CNTNAP3B: variants seen among roughly 807,000 people sequenced by gnomAD.
CNTNAP3B encodes the protein contactin-associated protein-like 3B.
CNTNAP3B carries 25 observed loss-of-function variants against 108.9 expected under a neutral mutation model. The ratio of observed to expected loss-of-function variants is 0.23; its 90% CI spans 0.17 to 0.32. The LOEUF is 0.32. Ranked by LOEUF, CNTNAP3B falls within the 10% of genes least tolerant of loss-of-function variation. CNTNAP3B has a pLI of 1.00. For missense variants in CNTNAP3B, 252 were observed against 1,210.4 expected (o/e 0.21, Z 11.75); for synonymous variants, 103 against 473.4 (o/e 0.22, Z 10.16).
Position 42,053,841 on chromosome 9 carries a change from G to A in CNTNAP3B, c.390+23028C>T, listed in dbSNP as rs574285287. 2.1e-5 allele frequency among the ~76,000 whole-genome samples: 3 copies of A among 144,520 alleles called. No individual in the cohort carries two copies. The South Asian group carries it at 6.6e-4, about 32-fold the overall frequency. 94.8% of individuals were successfully genotyped at this position (144,520 alleles called of 152,430 possible). The stretch of plus-strand genomic sequence containing the variant: ...GCAGACAGAGCAGGCTGCTCCAACA[G>A]CAAAGCCATATATTTTGAGACAGCG... On this transcript the variant is annotated intron_variant, in intron 3 of 23. Coordinates refer to ENST00000377561, the MANE Select transcript of CNTNAP3B (RefSeq NM_001201380.3).
At position 41,961,357 on chromosome 9, in the gene CNTNAP3B, C is replaced by T. The variant is rs1438111778; in HGVS notation, c.1757-465G>A. ...GCAAACTCTGAAGCACAGTGTAAAA[C>T]ACTTGAAGAGATACGAGAGGAAAAC... is the stretch of plus-strand genomic sequence containing the variant. On this transcript the variant is annotated intron_variant, in intron 11 of 23. Transcript: ENST00000377561. Among the ~76,000 whole-genome samples the T allele has an allele frequency of 2.6e-5, 4 of 152,308 alleles. No homozygotes were observed. In the South Asian group the frequency reaches 6.2e-4, roughly 24 times the overall value.
intron 3 of CNTNAP3B, among the ~76,000 whole-genome samples, chr9:42,070,836 C>G (rs1242219363): frequency 1.3e-5 from 2 of 151,976 alleles, no homozygotes; most frequent in Non-Finnish European, 1.5e-5. Flanking sequence ...CAAATACACA[C>G]AGGCCATGGG....
intron 13 of CNTNAP3B, among the ~76,000 whole-genome samples, chr9:41,947,731 G>C (rs1326502640): frequency 1.3e-5 from 2 of 152,096 alleles, no homozygotes; most frequent in Non-Finnish European, 2.9e-5. Context: ...AGAAAATCAA[G>C]AAACGAAAAT....
At chr9:41,944,143 G>T (rs1190354775) in intron 13 of CNTNAP3B, among the ~76,000 whole-genome samples, 2 of 149,196 alleles carry the variant, frequency 1.3e-5, no homozygotes, top group East Asian at 3.9e-4. Flanking sequence ...AAACAGAATT[G>T]AGGAAATCTT....
intron 13 of CNTNAP3B, among the ~76,000 whole-genome samples, chr9:41,947,385 T>A (rs1459580888): frequency 0.01 from 1,537 of 151,770 alleles, no homozygotes; most frequent in South Asian, 0.037. Flanking sequence ...TCTAAACACT[T>A]AGAAATTTTT....
At chr9:41,969,107 T>A (rs1825368074) in intron 10 of CNTNAP3B, among the ~76,000 whole-genome samples, 1 of 152,294 alleles carries the variant, frequency 6.6e-6, no homozygotes, top group African/African-American at 2.4e-5. Flanking sequence ...GATTATCACT[T>A]TTCAATTTTT....
Position 42,125,642 on chromosome 9 carries a change from A to G in CNTNAP3B, c.85+3368T>C, listed in dbSNP as rs1229314608. ...GTATAGAGTTTGGTGAAAATGAATA[A>G]AGGCATGTGAACTACATTTTTTGTT... On this transcript the variant is annotated intron_variant, in intron 1 of 23. Transcript: ENST00000377561. 1.5e-5 allele frequency among the ~76,000 whole-genome samples: 2 copies of G among 136,772 alleles called. 1 individual carries two copies. Among genetic ancestry groups the G allele is most frequent in the Non-Finnish European group, 3.1e-5 (2 of 64,284 alleles). The allele number at this position is 136,772 out of a possible 152,430, so 89.7% of individuals were successfully genotyped here.
chr9:41,916,446 G>T (rs1358792645), intron 18 of CNTNAP3B, among the ~76,000 whole-genome samples: 2 of 151,512 alleles, frequency 1.3e-5, no homozygotes, highest in African/African-American at 4.9e-5. Context: ...TGTAGATTCA[G>T]ATTATTGTCT....
rs563880564 is a variant in CNTNAP3B, at chr9:41,963,099, C to T, written c.1756+1439G>A. ...TCTCCTCTTTTGCCCAGATCCTTTACAGAACCTCAGGACTGGGAGCGCAGA... is the reference window on the plus strand; with the variant it reads ...TCTCCTCTTTTGCCCAGATCCTTTATAGAACCTCAGGACTGGGAGCGCAGA... On this transcript the variant is annotated intron_variant, in intron 11 of 23. Transcript: ENST00000377561. Among the ~76,000 whole-genome samples the T allele has an allele frequency of 5.9e-5, 9 of 152,400 alleles. No homozygotes were observed. The East Asian group carries it at 1.2e-3, about 20-fold the overall frequency.
At chr9:42,070,354 C>T (rs1335140573) in intron 3 of CNTNAP3B, among the ~76,000 whole-genome samples, 1 of 149,554 alleles carries the variant, frequency 6.7e-6, no homozygotes, top group Non-Finnish European at 1.5e-5. Context: ...AACCCAGTGG[C>T]CATGACAGCC....
At chr9:41,953,154 C>A in intron 13 of CNTNAP3B, 29 bp downstream of exon 13, 5 of 1,504,578 alleles carry the variant, frequency 3.3e-6, no homozygotes, top group East Asian at 2.7e-5. Flanking sequence ...GCCTCGTGAG[C>A]CCCTGTAGCC....
intron 18 of CNTNAP3B, among the ~76,000 whole-genome samples, chr9:41,918,586 T>C (rs536129495): frequency 5.6e-5 from 8 of 143,060 alleles, no homozygotes; most frequent in African/African-American, 1.9e-4. Context: ...AAAATCCAGA[T>C]CATTCTTATT....
At chr9:41,956,362 G>A (rs1419173890) in intron 12 of CNTNAP3B, among the ~76,000 whole-genome samples, 1 of 152,070 alleles carries the variant, frequency 6.6e-6, no homozygotes, top group Non-Finnish European at 1.5e-5. Flanking sequence ...CTCCAGCCTG[G>A]GTGACAGAGC....
intron 1 of CNTNAP3B, among the ~76,000 whole-genome samples, chr9:42,125,435 C>A (rs1828545376): frequency 7.1e-6 from 1 of 141,808 alleles, no homozygotes; most frequent in Non-Finnish European, 1.5e-5. Context: ...CTGGGCCTCC[C>A]CACTACCCAG....
intron 13 of CNTNAP3B, among the ~76,000 whole-genome samples, chr9:41,939,395 A>T (rs1824263127): frequency 6.6e-6 from 1 of 152,308 alleles, no homozygotes; most frequent in South Asian, 2.1e-4. Flanking sequence ...TCTGGAACTT[A>T]GCTTCTACCT....
intron 3 of CNTNAP3B, among the ~76,000 whole-genome samples, chr9:42,036,001 G>A (rs1174877833): frequency 6.9e-6 from 1 of 145,728 alleles, no homozygotes; most frequent in Non-Finnish European, 1.5e-5. Context: ...CCAGCTACTC[G>A]GGAGGCTGAG....
chr9:41,954,996 A>T (rs1467492821), intron 12 of CNTNAP3B, among the ~76,000 whole-genome samples: 4 of 151,290 alleles, frequency 2.6e-5, no homozygotes, highest in Non-Finnish European at 4.4e-5. Flanking sequence ...TCATTTTAGA[A>T]TTTTTACAAC....
intron 3 of CNTNAP3B, among the ~76,000 whole-genome samples, chr9:42,047,787 G>A (rs1406093702): frequency 8.8e-6 from 1 of 113,912 alleles, no homozygotes; most frequent in African/African-American, 3.7e-5. Context: ...TCTCTTGGTT[G>A]GTTCTCTGTT....
Position 42,076,869 on chromosome 9 carries a change from C to A in CNTNAP3B, c.390G>T (p.Trp130Cys). ...WKQYRREESI[W>C]GFPGNTNADS... ...GCAATTATTGTTATTAGAAACATACCCAGATGCTTTCTTCTCGGCGATACT... is the reference window on the plus strand; with the variant it reads ...GCAATTATTGTTATTAGAAACATACACAGATGCTTTCTTCTCGGCGATACT... Residue 130 changes from tryptophan to cysteine, a missense_variant and splice_region_variant, in exon 3 of 24, where the codon TGG becomes TGT. Physicochemically the swap from Trp to Cys is radical, Grantham distance 215. Coordinates refer to ENST00000377561, the MANE Select transcript of CNTNAP3B (RefSeq NM_001201380.3). 1.3e-6 allele frequency: 2 copies of A among 1,539,408 alleles called. No homozygotes were observed. Among genetic ancestry groups the A allele is most frequent in the Middle Eastern group, 2.2e-4 (1 of 4,520 alleles).
Sources: gnomAD v4.1 joint callset for allele counts (sites outside exome capture counted in the v4.1 genomes callset) on GRCh38, gnomAD v4.1.1 for gene constraint, MANE v1.5 for transcripts, NCBI Gene and HGNC (gene_info 2026-07-23, HGNC 2026-07-21) for gene names.